SORCS1: variants seen among roughly 807,000 people sequenced by gnomAD.
SORCS1 encodes sortilin related VPS10 domain containing receptor 1, also known as VPS10 domain-containing receptor SorCS1.
SORCS1 carries 60 observed loss-of-function variants against 146.1 expected under a neutral mutation model. The observed-to-expected ratio is 0.41, with a 90% CI of 0.33 to 0.51. SORCS1 has a LOEUF of 0.51. Ranked by LOEUF, SORCS1 falls within the 20% of genes least tolerant of loss-of-function variation. The pLI is 0.21. For synonymous variants in SORCS1, 637 were observed against 584.0 expected (o/e 1.09, Z -1.31); for missense variants, 1,352 against 1,487.6 (o/e 0.91, Z 1.50).
chr10:106,706,475 G>T, intron 8 of SORCS1, 70 bp downstream of exon 8: 1 of 1,451,632 alleles, frequency 6.9e-7, no homozygotes, highest in Non-Finnish European at 9.7e-7. Flanking sequence ...GAGTCCTTGG[G>T]AAAGGGATGG....
chr10:106,801,177 C>A (rs903321529), intron 3 of SORCS1, among the ~76,000 whole-genome samples: 1 of 151,994 alleles, frequency 6.6e-6, no homozygotes, highest in East Asian at 1.9e-4. Context: ...TTTATATGAA[C>A]ACCTAATTTT....
At chr10:106,795,786 C>G (rs940062149) in intron 3 of SORCS1, among the ~76,000 whole-genome samples, 1 of 152,134 alleles carries the variant, frequency 6.6e-6, no homozygotes, top group Non-Finnish European at 1.5e-5. Context: ...AAAGGTGGGT[C>G]AACCTCTAAG....
intron 21 of SORCS1, among the ~76,000 whole-genome samples, chr10:106,612,909 G>T (rs748884321): frequency 6.6e-6 from 1 of 151,884 alleles, no homozygotes; most frequent in Non-Finnish European, 1.5e-5. Flanking sequence ...TGCCTAGAAC[G>T]CCCCATTCTC....
At chr10:106,814,884 C>T (rs1947655172) in intron 3 of SORCS1, among the ~76,000 whole-genome samples, 1 of 123,402 alleles carries the variant, frequency 8.1e-6, no homozygotes, top group Non-Finnish European at 1.6e-5. Context: ...CACTGCTCTC[C>T]AGCCTGGGCG....
At chr10:106,644,061 G>T (rs145561903) in intron 18 of SORCS1, among the ~76,000 whole-genome samples, 11 of 152,172 alleles carry the variant, frequency 7.2e-5, no homozygotes, top group Admixed American at 5.2e-4. Context: ...GTGGAAGGTC[G>T]GCCCTAAGCA....
intron 1 of SORCS1, among the ~76,000 whole-genome samples, chr10:107,027,593 C>G (rs114689846): frequency 6.8e-4 from 104 of 152,278 alleles, no homozygotes; most frequent in African/African-American, 2.4e-3. Flanking sequence ...TACACTCATC[C>G]CCGAGCAGTC....
intron 1 of SORCS1, among the ~76,000 whole-genome samples, chr10:107,152,339 G>A (rs1210086986): frequency 6.6e-6 from 1 of 152,292 alleles, no homozygotes; most frequent in East Asian, 1.9e-4. Context: ...TGGGTTTGGG[G>A]TCCCCATGCA....
chr10:106,832,484 C>T (rs540554432), intron 2 of SORCS1, among the ~76,000 whole-genome samples: 12 of 152,168 alleles, frequency 7.9e-5, no homozygotes, highest in East Asian at 1.9e-4. Context: ...CCAAGGCACC[C>T]GGCCCCTAGT....
chr10:106,978,797 C>CA (rs35921955), intron 1 of SORCS1, among the ~76,000 whole-genome samples: 9,209 of 127,276 alleles, frequency 0.072, 780 homozygotes, highest in African/African-American at 0.22. Flanking sequence ...GACTCCATCT[C>CA]AAAAAAAAAA....
At chr10:106,907,718 G>C (rs1348049262) in intron 2 of SORCS1, among the ~76,000 whole-genome samples, 2 of 152,040 alleles carry the variant, frequency 1.3e-5, no homozygotes, top group East Asian at 3.9e-4. Flanking sequence ...CCTGAAGTCA[G>C]GAGTTTGAGA....
At chr10:106,745,223 C>T (rs1359435292) in intron 5 of SORCS1, among the ~76,000 whole-genome samples, 1 of 151,994 alleles carries the variant, frequency 6.6e-6, no homozygotes, top group African/African-American at 2.4e-5. Flanking sequence ...ACCATCCTGG[C>T]TAACATGGTG....
intron 1 of SORCS1, among the ~76,000 whole-genome samples, chr10:107,090,315 C>A (rs1964094541): frequency 6.6e-6 from 1 of 152,142 alleles, no homozygotes; most frequent in East Asian, 1.9e-4. Flanking sequence ...TGGAATGGGA[C>A]ATGGCAGCCT....
rs191247087 is a variant in SORCS1, at chr10:107,034,434, C to A, written c.559-77854G>T. Among the ~76,000 whole-genome samples the A allele has an allele frequency of 3.9e-5, 6 of 152,024 alleles. No homozygotes were observed. The East Asian group carries it at 1.2e-3, about 29-fold the overall frequency. ...GTGGCTCATACCTGTAATCCCAACA[C>A]TTTGGGAGACCGAGGCGGGCAGATC... On this transcript the variant is annotated intron_variant, in intron 1 of 25. Coordinates refer to ENST00000263054, the MANE Select transcript of SORCS1 (RefSeq NM_052918.5).
At chr10:106,902,728 C>G (rs1302260140) in intron 2 of SORCS1, among the ~76,000 whole-genome samples, 1 of 152,168 alleles carries the variant, frequency 6.6e-6, no homozygotes, top group Non-Finnish European at 1.5e-5. Flanking sequence ...ATTTGCTATA[C>G]TTAGGAATTA....
At chr10:106,996,000 G>A (rs563455291) in intron 1 of SORCS1, among the ~76,000 whole-genome samples, 16 of 152,084 alleles carry the variant, frequency 1.1e-4, no homozygotes, top group East Asian at 3.9e-4. Flanking sequence ...AGGCCGAAGC[G>A]GGTAGATCAG....
intron 3 of SORCS1, 128 bp from the exon 4 acceptor site, chr10:106,776,820 G>A: frequency 1.2e-6 from 1 of 863,072 alleles, no homozygotes; most frequent in Non-Finnish European, 1.8e-6. Flanking sequence ...GGCCAAACAG[G>A]GACCTTGACT....
chr10:107,128,691 G>A (rs192639319), intron 1 of SORCS1, among the ~76,000 whole-genome samples: 2 of 152,232 alleles, frequency 1.3e-5, no homozygotes, highest in Non-Finnish European at 2.9e-5. Flanking sequence ...TTCCTAGCTG[G>A]GACTTCATTA....
At chr10:106,956,146 T>G (rs1255005001) in intron 2 of SORCS1, among the ~76,000 whole-genome samples, 2 of 146,500 alleles carry the variant, frequency 1.4e-5, no homozygotes, top group East Asian at 2.1e-4. Context: ...AAAAAAAAAG[T>G]TTCCCTGGTA....
chr10:107,007,478 CA>C (rs1345659528), intron 1 of SORCS1, among the ~76,000 whole-genome samples: 1 of 152,196 alleles, frequency 6.6e-6, no homozygotes, highest in African/African-American at 2.4e-5. Context: ...CAGCCAGTAC[CA>C]TCTTACCAGT....
Sources: allele counts gnomAD v4.1 joint callset (sites outside exome capture counted in the v4.1 genomes callset), GRCh38; gene constraint gnomAD v4.1.1; transcripts MANE v1.5; gene names NCBI Gene and HGNC (gene_info 2026-07-23, HGNC 2026-07-21).